Variants in PINX1 observed in about 807,000 individuals in gnomAD.
PINX1 encodes the protein PIN2 (TERF1) interacting telomerase inhibitor 1.
A neutral mutation model predicts 25.4 loss-of-function variants in PINX1; 34 were observed. That is an observed-to-expected ratio of 1.34 (90% confidence interval 1.02 to 1.78). The LOEUF (loss-of-function observed/expected upper bound fraction) is 1.78. Ranked by LOEUF, PINX1 falls within the 40% of genes most tolerant of loss-of-function variation. PINX1 has a pLI of 0.00. For synonymous variants in PINX1, 197 were observed against 147.7 expected, an observed-to-expected ratio of 1.33 and a Z score of -2.42; for missense variants, 592 against 404.9, an observed-to-expected ratio of 1.46 and a Z score of -3.97.
At chr8:10,820,971 A>G (rs1797849048) in intron 5 of PINX1, among the ~76,000 whole-genome samples, 1 of 152,222 alleles carries the variant, frequency 6.6e-6, no homozygotes, top group Non-Finnish European at 1.5e-5. Flanking sequence ...TTAATTTCAA[A>G]CCCCCAAACC....
At chr8:10,815,956 C>A (rs894910945) in intron 6 of PINX1, among the ~76,000 whole-genome samples, 7 of 152,162 alleles carry the variant, frequency 4.6e-5, no homozygotes, top group African/African-American at 1.7e-4. Context: ...CCCTGCAGAT[C>A]TGAGCAGCCT....
At chr8:10,793,253 A>C (rs1310754946) in intron 6 of PINX1, among the ~76,000 whole-genome samples, 1 of 152,192 alleles carries the variant, frequency 6.6e-6, no homozygotes, top group East Asian at 1.9e-4. Context: ...ATAATGCTCA[A>C]TTAACTGGTC....
At chr8:10,785,694 G>A (rs1367882121) in intron 6 of PINX1, among the ~76,000 whole-genome samples, 2 of 152,180 alleles carry the variant, frequency 1.3e-5, no homozygotes, top group African/African-American at 2.4e-5. Context: ...AAATACAAAT[G>A]CTTTTCACAA....
At chr8:10,828,494 A>T (rs1798124337) in intron 4 of PINX1, among the ~76,000 whole-genome samples, 1 of 152,114 alleles carries the variant, frequency 6.6e-6, no homozygotes, top group African/African-American at 2.4e-5. Context: ...ACACCCAGGA[A>T]GCCCCCGCGA....
intron 6 of PINX1, among the ~76,000 whole-genome samples, chr8:10,803,079 TA>T (rs1802321021): frequency 1.3e-5 from 2 of 152,278 alleles, no homozygotes; most frequent in East Asian, 1.9e-4. Flanking sequence ...ATTAGTAGAT[TA>T]AAAAAACTTT....
At position 10,832,881 on chromosome 8, in the gene PINX1, C is replaced by A; in HGVS notation, c.222+11G>T. On this transcript the variant is annotated intron_variant, in intron 3 of 6. Coordinates refer to ENST00000314787, the MANE Select transcript of PINX1 (RefSeq NM_017884.6). ...TGCAAAGACACCCAGGAGGCACACA[C>A]TGCTGCTCACTTCATTATTGATGGT... The A allele has an allele frequency of 6.4e-7, 1 of 1,561,688 alleles. No individual in the cohort carries two copies. Among genetic ancestry groups the A allele is most frequent in the Non-Finnish European group, 8.8e-7 (1 of 1,133,710 alleles).
chr8:10,807,515 C>G (rs1316156528), intron 6 of PINX1, among the ~76,000 whole-genome samples: 1 of 152,010 alleles, frequency 6.6e-6, no homozygotes, highest in Admixed American at 6.6e-5. Flanking sequence ...GAAAGTTCTA[C>G]CAAGTGCCTG....
At chr8:10,788,462 G>C (rs1256108770) in intron 6 of PINX1, among the ~76,000 whole-genome samples, 1 of 152,076 alleles carries the variant, frequency 6.6e-6, no homozygotes, top group Non-Finnish European at 1.5e-5. Flanking sequence ...CTGCTCAGGA[G>C]GCTGAGGCAA....
chr8:10,777,049 C>T (rs1563204253), intron 6 of PINX1, among the ~76,000 whole-genome samples: 1 of 152,224 alleles, frequency 6.6e-6, no homozygotes, highest in African/African-American at 2.4e-5. Context: ...CTTAAAACCA[C>T]TTGCTTCATC....
intron 4 of PINX1, among the ~76,000 whole-genome samples, chr8:10,828,134 C>A (rs1382566525): frequency 2.6e-4 from 40 of 152,152 alleles, no homozygotes; most frequent in Admixed American, 2.6e-3. Context: ...GGCAGATGTT[C>A]CGCACTTGAG....
chr8:10,824,053 T>G (rs1440857580), intron 5 of PINX1, among the ~76,000 whole-genome samples: 2 of 152,200 alleles, frequency 1.3e-5, no homozygotes, highest in East Asian at 3.9e-4. Context: ...GCATACCCAC[T>G]GGCGAAAATC....
chr8:10,775,923 G>A (rs1586136684), intron 6 of PINX1, among the ~76,000 whole-genome samples: 1 of 150,840 alleles, frequency 6.6e-6, no homozygotes, highest in South Asian at 2.1e-4. Flanking sequence ...AGCTTTGGCT[G>A]CAGCGGGGTG....
At chr8:10,802,119 G>T (rs1477610039) in intron 6 of PINX1, among the ~76,000 whole-genome samples, 1 of 152,168 alleles carries the variant, frequency 6.6e-6, no homozygotes, top group African/African-American at 2.4e-5. Context: ...AGGTAGTTTG[G>T]GGGACGGAAG....
At chr8:10,801,263 C>G (rs1802256207) in intron 6 of PINX1, among the ~76,000 whole-genome samples, 1 of 152,200 alleles carries the variant, frequency 6.6e-6, no homozygotes, top group Non-Finnish European at 1.5e-5. Flanking sequence ...AAGCGTGCTT[C>G]CAACTCCCCT....
intron 6 of PINX1, among the ~76,000 whole-genome samples, chr8:10,800,470 C>CTT (rs35149115): frequency 4.2e-5 from 6 of 143,284 alleles, no homozygotes; most frequent in African/African-American, 7.7e-5. Flanking sequence ...TGAGAATAAA[C>CTT]TTTTTTTTTT....
At chr8:10,773,641 AT>A (rs1418912553) in intron 6 of PINX1, among the ~76,000 whole-genome samples, 1 of 152,212 alleles carries the variant, frequency 6.6e-6, no homozygotes, top group Non-Finnish European at 1.5e-5. Context: ...AGAGCTGTTA[AT>A]TTTATGTCTT....
chr8:10,833,989 G>C (rs1040932863), intron 2 of PINX1, among the ~76,000 whole-genome samples: 13 of 152,154 alleles, frequency 8.5e-5, no homozygotes, highest in African/African-American at 2.9e-4. Context: ...CAAATCTAGA[G>C]CTCAGAGGAC....
intron 6 of PINX1, among the ~76,000 whole-genome samples, chr8:10,797,989 G>C (rs974432830): frequency 6.6e-6 from 1 of 152,140 alleles, no homozygotes; most frequent in African/African-American, 2.4e-5. Flanking sequence ...CAGAAATAAA[G>C]CAAGTATTCT....
chr8:10,799,066 G>A (rs1257688264), intron 6 of PINX1, among the ~76,000 whole-genome samples: 1 of 152,044 alleles, frequency 6.6e-6, no homozygotes, highest in African/African-American at 2.4e-5. Context: ...TTGGGAAACT[G>A]ATCATCTGTA....
Sources: gnomAD v4.1 joint callset for allele counts (sites outside exome capture counted in the v4.1 genomes callset) on GRCh38, gnomAD v4.1.1 for gene constraint, MANE v1.5 for transcripts, NCBI Gene and HGNC (gene_info 2026-07-23, HGNC 2026-07-21) for gene names.